COL18A1: variants seen among roughly 807,000 people sequenced by gnomAD.
COL18A1 encodes collagen alpha-1(XVIII) chain.
A neutral mutation model predicts 168.0 loss-of-function variants in COL18A1; 133 were observed. That is an observed-to-expected ratio of 0.79 (90% CI 0.69 to 0.91). The LOEUF (loss-of-function observed/expected upper bound fraction) is 0.91, where lower values mean the gene tolerates loss of function less well. COL18A1 is among the 40% of genes least tolerant of loss of function. The probability of loss-of-function intolerance (pLI) is 0.00; values close to 1 mark genes in which losing one functional copy is unlikely to be tolerated. For missense variants in COL18A1, 2,126 were observed against 1,925.4 expected, an observed-to-expected ratio of 1.10 and a Z score of -1.95; for synonymous variants, 949 against 809.0, an observed-to-expected ratio of 1.17 and a Z score of -2.94.
chr21:45,428,367 A>G (rs8126757), intron 2 of COL18A1, among the ~76,000 whole-genome samples: 43,808 of 152,104 alleles, frequency 0.29, 8,117 homozygotes, highest in African/African-American at 0.51. Context: ...GGTCTCTGGG[A>G]TCAGGAGACT....
At chr21:45,504,127 C>T in intron 33 of COL18A1, 73 bp downstream of exon 33, 1 of 1,535,428 alleles carries the variant, frequency 6.5e-7, no homozygotes, top group South Asian at 1.1e-5. Flanking sequence ...CTCCCAATTT[C>T]TCGCCCCATC....
rs1159013783 is a variant in COL18A1 at position 45,417,648 on chromosome 21, C to T, written c.106+12175C>T. On this transcript the variant is annotated intron_variant, in intron 2 of 41. Coordinates refer to ENST00000651438, the MANE Select transcript of COL18A1 (RefSeq NM_001379500.1). ...ATGGGCTTTTCAGCACATCCAGGAC[C>T]TGTGCACCAGGCCTGTTAATAACAA... 2.0e-5 allele frequency among the ~76,000 whole-genome samples: 3 copies of T among 152,206 alleles called. No individual in the cohort carries two copies. The South Asian group carries it at 6.2e-4, about 32-fold the overall frequency.
intron 2 of COL18A1, among the ~76,000 whole-genome samples, chr21:45,407,004 C>G (rs577469483): frequency 3.9e-5 from 6 of 152,288 alleles, no homozygotes; most frequent in African/African-American, 1.4e-4. Flanking sequence ...TTGGAGGTGT[C>G]TAATGGAATG....
intron 2 of COL18A1, among the ~76,000 whole-genome samples, chr21:45,454,301 C>T: frequency 6.6e-6 from 1 of 152,130 alleles, no homozygotes; most frequent in East Asian, 1.9e-4. Context: ...GACCTGGGGA[C>T]AGCTGGGGAC....
intron 17 of COL18A1, 149 bp downstream of exon 17, chr21:45,487,658 C>T: frequency 1.0e-6 from 1 of 961,636 alleles, no homozygotes; most frequent in Non-Finnish European, 1.7e-6. Flanking sequence ...GCGCTGTGCC[C>T]CGCGGGCCAC....
At chr21:45,506,050 C>T in intron 37 of COL18A1, 84 bp downstream of exon 37, 3 of 1,600,198 alleles carry the variant, frequency 1.9e-6, no homozygotes, top group Non-Finnish European at 2.6e-6. Flanking sequence ...GAGGCTCAGG[C>T]CCCGGACAGG....
intron 10 of COL18A1, 42 bp downstream of exon 10, chr21:45,480,006 C>T: frequency 6.2e-7 from 1 of 1,613,562 alleles, no homozygotes; most frequent in Non-Finnish European, 8.5e-7. Context: ...CTGTGTTGGC[C>T]CTTGGCTCAA....
chr21:45,414,323 C>T (rs2033381594), intron 2 of COL18A1, among the ~76,000 whole-genome samples: 1 of 152,212 alleles, frequency 6.6e-6, no homozygotes, highest in Non-Finnish European at 1.5e-5. Context: ...GGTCTCTGAT[C>T]CCCTCGGGGC....
rs749265232 is a variant in COL18A1, at chr21:45,468,688, A to G, written c.553A>G (p.Arg185Gly). 1 of 1,613,750 alleles carries G rather than the reference A, an allele frequency of 6.2e-7. No homozygotes were observed. The highest frequency in any genetic ancestry group is 1.1e-5 in the South Asian group (1 of 91,084). ...CTACGTGGACTGTGAGGAGTTCCAG[A>G]GAATGCCGCTTGCTCGGTCCTCACG... ...ALYVDCEEFQRMPLARSSRGL... is the reference protein window; with the variant it reads ...ALYVDCEEFQGMPLARSSRGL... Residue 185 changes from arginine (R) to glycine (G), a missense_variant, in exon 3 of 42, where the codon AGA becomes GGA. Arg to Gly is a moderately radical substitution (Grantham distance 125). Coordinates refer to ENST00000651438, the MANE Select transcript of COL18A1 (RefSeq NM_001379500.1).
chr21:45,492,968 G>A (rs1285702215), intron 24 of COL18A1, among the ~76,000 whole-genome samples, 195 bp from the exon 25 acceptor site: 1 of 152,040 alleles, frequency 6.6e-6, no homozygotes, highest in African/African-American at 2.4e-5. Flanking sequence ...GTGAGGCTGG[G>A]GCCGGGAGGT....
intron 2 of COL18A1, among the ~76,000 whole-genome samples, chr21:45,430,992 G>A (rs1341424421): frequency 6.6e-6 from 1 of 152,252 alleles, no homozygotes; most frequent in African/African-American, 2.4e-5. Context: ...GTCCCGGGGT[G>A]CCCTTGCCTG....
intron 19 of COL18A1, 88 bp downstream of exon 19, chr21:45,489,609 C>G (rs2036228772): frequency 1.2e-6 from 1 of 826,754 alleles, no homozygotes; most frequent in African/African-American, 1.7e-5. Flanking sequence ...CTCGGGGCGG[C>G]CTTCCCCGCT....
intron 2 of COL18A1, among the ~76,000 whole-genome samples, chr21:45,452,577 A>ATGTATGTACATGTGGGGGCTTG (rs2034649327): frequency 6.7e-6 from 1 of 148,904 alleles, no homozygotes; most frequent in South Asian, 2.1e-4. Context: ...ACATGTAAGC[A>ATGTATGTACATGTGGGGGCTTG]TGTATGTACA....
chr21:45,487,910 G>A (rs980990584), intron 17 of COL18A1, among the ~76,000 whole-genome samples: 2 of 152,344 alleles, frequency 1.3e-5, no homozygotes, highest in African/African-American at 4.8e-5. Flanking sequence ...TTCTTCTACT[G>A]TTAACATGTA....
chr21:45,454,235 A>G (rs1467085653), intron 2 of COL18A1, among the ~76,000 whole-genome samples: 1 of 152,138 alleles, frequency 6.6e-6, no homozygotes, highest in Non-Finnish European at 1.5e-5. Flanking sequence ...GCTGGGTCCC[A>G]AGCAGCCCAG....
chr21:45,437,234 G>T, intron 2 of COL18A1, among the ~76,000 whole-genome samples: 1 of 65,964 alleles, frequency 1.5e-5, no homozygotes, highest in Non-Finnish European at 2.8e-5. Flanking sequence ...AGACACACAG[G>T]CACTCTCCTG....
chr21:45,426,467 G>A (rs1434641041), intron 2 of COL18A1, among the ~76,000 whole-genome samples: 6 of 152,148 alleles, frequency 3.9e-5, no homozygotes, highest in Admixed American at 6.5e-5. Context: ...TTGCTCTCCC[G>A]GGCGGGCGTC....
In COL18A1 at chr21:45,456,520, C is replaced by T. The variant is rs1050801463; in HGVS notation, c.107-11722C>T. The T allele has an allele frequency of 2.2e-5, 34 of 1,548,190 alleles. No homozygotes were observed. In the East Asian group the frequency reaches 2.9e-4, roughly 13 times the overall value. ...TGCTCGGGGCTGACCCCGAGGCCCC[C>T]GCCGGTCGCTGCCTGCCCCTGCCAC... On this transcript the variant is annotated intron_variant, in intron 2 of 41. Coordinates refer to ENST00000651438, the MANE Select transcript of COL18A1 (RefSeq NM_001379500.1).
intron 2 of COL18A1, among the ~76,000 whole-genome samples, chr21:45,431,392 AGGGGGG>A (rs1443895291): frequency 1.5e-5 from 1 of 65,828 alleles, no homozygotes; most frequent in African/African-American, 4.5e-5. Context: ...GGCCCAGGGG[AGGGGGG>A]CAGGCAGGAC....
Sources: allele counts gnomAD v4.1 joint callset (sites outside exome capture counted in the v4.1 genomes callset), GRCh38; gene constraint gnomAD v4.1.1; transcripts MANE v1.5; gene names NCBI Gene and HGNC (gene_info 2026-07-23, HGNC 2026-07-21).